Variants in RNF180 observed in about 807,000 individuals in gnomAD.
The protein encoded by RNF180 is ring finger protein 180, also known as E3 ubiquitin-protein ligase RNF180.
A neutral mutation model predicts 59.2 loss-of-function variants in RNF180; 38 were observed. The ratio of observed to expected loss-of-function variants is 0.64; its 90% CI spans 0.50 to 0.84. The LOEUF (loss-of-function observed/expected upper bound fraction) is 0.84. RNF180 is among the 40% of genes least tolerant of loss of function. RNF180 has a pLI of 0.00. For synonymous variants in RNF180, 262 were observed against 240.3 expected, an observed-to-expected ratio of 1.09 and a Z score of -0.84; for missense variants, 705 against 700.9, an observed-to-expected ratio of 1.01 and a Z score of -0.07.
At chr5:64,166,512 C>A (rs1243840563) in intron 1 of RNF180, among the ~76,000 whole-genome samples, 2 of 152,144 alleles carry the variant, frequency 1.3e-5, no homozygotes, top group Non-Finnish European at 2.9e-5. Flanking sequence ...AGGCAGAGGT[C>A]ATAAGCTCTG....
chr5:64,234,588 T>G (rs113752264), intron 5 of RNF180, among the ~76,000 whole-genome samples: 22 of 33,968 alleles, frequency 6.5e-4, no homozygotes, highest in African/African-American at 4.1e-3. Flanking sequence ...CTTTTTTTTT[T>G]TTTTTTTTTT....
At position 64,213,659 on chromosome 5, in the gene RNF180, A is replaced by C; in HGVS notation, c.333A>C (p.Ala111=). 1 of 1,614,168 alleles carries C rather than the reference A, an allele frequency of 6.2e-7. No individual in the cohort carries two copies. Among genetic ancestry groups the C allele is most frequent in the Non-Finnish European group, 8.5e-7 (1 of 1,179,996 alleles). Residue 111 remains alanine (A), a synonymous_variant, in exon 4 of 8, where the codon GCA becomes GCC. Coordinates refer to ENST00000389100, the MANE Select transcript of RNF180 (RefSeq NM_001113561.2). The stretch of plus-strand genomic sequence containing the variant: ...CAAAATGTTCCTGTGGCCAGCTTGC[A>C]GCTGTACATCTCTCCAAGAGCCGGA... ...STPKCSCGQL[A]AVHLSKSRTD...
rs1162054033 is a variant in RNF180 at position 64,346,359 on chromosome 5, C to CTTTTTTTTT, written c.1579+15972_1579+15980dup. ...TCTATTCTTCTTTTTTTCTTTTCTT[C>CTTTTTTTTT]TTTTTTTTTTTTTTTTTTTTTTTTT... On this transcript the variant is annotated intron_variant, in intron 7 of 7. Coordinates refer to ENST00000389100, the MANE Select transcript of RNF180 (RefSeq NM_001113561.2). 7.9e-3 allele frequency among the ~76,000 whole-genome samples: 340 copies of CTTTTTTTTT among 43,008 alleles called. 10 individuals carry two copies. Among genetic ancestry groups the CTTTTTTTTT allele is most frequent in the Non-Finnish European group, 1.0e-2 (226 of 22,672 alleles). 28.2% of individuals were successfully genotyped at this position (43,008 alleles called of 152,430 possible). A position where few individuals can be genotyped will look rare whatever the true frequency, so the allele number is the denominator to read the frequency against.
At chr5:64,334,481 C>T (rs1057123772) in intron 7 of RNF180, among the ~76,000 whole-genome samples, 4 of 151,978 alleles carry the variant, frequency 2.6e-5, no homozygotes, top group Non-Finnish European at 4.4e-5. Flanking sequence ...GAAAAAAAAT[C>T]GCACATAGGA....
At chr5:64,240,442 A>G (rs908046913) in intron 5 of RNF180, among the ~76,000 whole-genome samples, 3 of 152,188 alleles carry the variant, frequency 2.0e-5, no homozygotes, top group African/African-American at 4.8e-5. Context: ...CTTACCTAAT[A>G]TGAACCTCAG....
Position 64,232,278 on chromosome 5 carries a change from G to C in RNF180, c.1227+14882G>C, listed in dbSNP as rs1210442001. ...GCCTTAAAGGAATGTGTAGTGCAGTGGTTCTCAAATGTTCATCTGTGGACC... is the reference window on the plus strand; with the variant it reads ...GCCTTAAAGGAATGTGTAGTGCAGTCGTTCTCAAATGTTCATCTGTGGACC... On this transcript the variant is annotated intron_variant, in intron 5 of 7. Coordinates refer to ENST00000389100, the MANE Select transcript of RNF180 (RefSeq NM_001113561.2). Among the ~76,000 whole-genome samples, 4 of 152,154 alleles carry C rather than the reference G, an allele frequency of 2.6e-5. No individual in the cohort carries two copies. The East Asian group carries it at 5.8e-4, about 22-fold the overall frequency.
At chr5:64,254,868 A>G (rs762245458) in intron 5 of RNF180, among the ~76,000 whole-genome samples, 9 of 152,172 alleles carry the variant, frequency 5.9e-5, no homozygotes, top group Non-Finnish European at 1.3e-4. Context: ...GTGCTTAGAA[A>G]GACATTTGGT....
intron 1 of RNF180, among the ~76,000 whole-genome samples, chr5:64,177,467 C>T (rs1486636438): frequency 2.1e-5 from 3 of 140,604 alleles, no homozygotes; most frequent in South Asian, 4.6e-4. Context: ...AATTATTTTA[C>T]TTATTTTGGC....
chr5:64,279,088 C>T (rs1337007817), intron 5 of RNF180, among the ~76,000 whole-genome samples: 2 of 152,128 alleles, frequency 1.3e-5, no homozygotes, highest in African/African-American at 4.8e-5. Flanking sequence ...AGAACCAAGG[C>T]TGGGCCCTAT....
chr5:64,206,943 T>C (rs748856294), intron 2 of RNF180, among the ~76,000 whole-genome samples: 5 of 152,098 alleles, frequency 3.3e-5, no homozygotes, highest in African/African-American at 7.2e-5. Context: ...CAGTCTCTGG[T>C]ATTTTGTGAT....
intron 7 of RNF180, among the ~76,000 whole-genome samples, chr5:64,342,322 C>T (rs1179560909): frequency 2.6e-5 from 4 of 152,100 alleles, no homozygotes; most frequent in Non-Finnish European, 5.9e-5. Flanking sequence ...CTTTGCTTTA[C>T]TGGAAGTATT....
intron 5 of RNF180, among the ~76,000 whole-genome samples, chr5:64,305,861 G>A (rs781449532): frequency 6.6e-6 from 1 of 151,484 alleles, no homozygotes; most frequent in Non-Finnish European, 1.5e-5. Flanking sequence ...CACTATAACA[G>A]ACATGTCATT....
At chr5:64,277,834 A>G (rs1383978308) in intron 5 of RNF180, among the ~76,000 whole-genome samples, 2 of 152,146 alleles carry the variant, frequency 1.3e-5, no homozygotes, top group Non-Finnish European at 1.5e-5. Flanking sequence ...AGAACCTTTG[A>G]GCATACTTTT....
intron 5 of RNF180, among the ~76,000 whole-genome samples, chr5:64,265,478 T>C (rs988730238): frequency 1.3e-5 from 2 of 152,174 alleles, no homozygotes; most frequent in Non-Finnish European, 2.9e-5. Flanking sequence ...ATTTATTAAA[T>C]AGGGAATCCT....
At chr5:64,196,830 A>T in intron 1 of RNF180, among the ~76,000 whole-genome samples, 1 of 152,074 alleles carries the variant, frequency 6.6e-6, no homozygotes, top group East Asian at 1.9e-4. Context: ...TTTATAGGTT[A>T]TAAAGATTAT....
At chr5:64,312,919 G>A (rs958695743) in intron 5 of RNF180, among the ~76,000 whole-genome samples, 3 of 152,088 alleles carry the variant, frequency 2.0e-5, no homozygotes, top group Admixed American at 6.6e-5. Flanking sequence ...AATAAAAGCT[G>A]ATTGATCTAT....
At chr5:64,299,598 A>G (rs1299510686) in intron 5 of RNF180, among the ~76,000 whole-genome samples, 1 of 151,988 alleles carries the variant, frequency 6.6e-6, no homozygotes, top group Non-Finnish European at 1.5e-5. Flanking sequence ...AACAAGAGGT[A>G]TGTGTTAGTA....
intron 5 of RNF180, among the ~76,000 whole-genome samples, chr5:64,319,651 A>G (rs1056402977): frequency 6.6e-6 from 1 of 152,228 alleles, no homozygotes; most frequent in Non-Finnish European, 1.5e-5. Flanking sequence ...GGCTGAGGTC[A>G]TAAGTACATC....
chr5:64,225,156 T>C (rs1741601193), intron 5 of RNF180, among the ~76,000 whole-genome samples: 1 of 152,244 alleles, frequency 6.6e-6, no homozygotes, highest in Non-Finnish European at 1.5e-5. Flanking sequence ...CACAGAAAAC[T>C]GGAACTAACC....
Sources: gnomAD v4.1 joint callset for allele counts (sites outside exome capture counted in the v4.1 genomes callset) on GRCh38, gnomAD v4.1.1 for gene constraint, MANE v1.5 for transcripts, NCBI Gene and HGNC (gene_info 2026-07-23, HGNC 2026-07-21) for gene names.